The following ACYP2 variants were observed in gnomAD, a reference collection of about 807,000 sequenced individuals.
ACYP2 encodes acylphosphatase-2.
A neutral mutation model predicts 11.2 loss-of-function variants in ACYP2; 12 were observed. The ratio of observed to expected loss-of-function variants is 1.08; its 90% CI spans 0.69 to 1.74. The LOEUF (loss-of-function observed/expected upper bound fraction) is 1.74, where lower values mean the gene tolerates loss of function less well. Among genes scored for constraint, ACYP2 ranks in the 40% most tolerant of loss-of-function variants. ACYP2 has a pLI of 0.00. For missense variants in ACYP2, 134 were observed against 101.9 expected, an observed-to-expected ratio of 1.31 and a Z score of -1.35; for synonymous variants, 43 against 32.2, an observed-to-expected ratio of 1.33 and a Z score of -1.13.
chr2:54,255,432 C>T, intron 6 of ACYP2: 1 of 1,614,060 alleles, frequency 6.2e-7, no homozygotes, highest in East Asian at 2.2e-5. Flanking sequence ...TGTCATTCCT[C>T]TGCTCCAGGT....
At chr2:54,259,171 G>A (rs1339867214) in intron 6 of ACYP2, among the ~76,000 whole-genome samples, 1 of 152,226 alleles carries the variant, frequency 6.6e-6, no homozygotes, top group Non-Finnish European at 1.5e-5. Flanking sequence ...CAGAGATGGT[G>A]AAGGTTATAA....
chr2:54,246,212 C>A (rs953615781), intron 6 of ACYP2, among the ~76,000 whole-genome samples: 1 of 152,092 alleles, frequency 6.6e-6, no homozygotes, highest in South Asian at 2.1e-4. Context: ...TTCTACTGAT[C>A]TGTGTGTTAT....
At chr2:53,984,074 T>C (rs1413970135) in intron 2 of ACYP2, among the ~76,000 whole-genome samples, 1 of 152,114 alleles carries the variant, frequency 6.6e-6, no homozygotes, top group East Asian at 1.9e-4. Flanking sequence ...ATTTTCATCA[T>C]CATCACCATC....
At chr2:54,147,532 C>T (rs892118695) in intron 6 of ACYP2, among the ~76,000 whole-genome samples, 1 of 151,840 alleles carries the variant, frequency 6.6e-6, no homozygotes, top group African/African-American at 2.4e-5. Context: ...TTCCTTCTTT[C>T]TTTTTGTTTT....
At chr2:54,177,488 G>T (rs1558589873) in intron 6 of ACYP2, among the ~76,000 whole-genome samples, 1 of 151,828 alleles carries the variant, frequency 6.6e-6, no homozygotes, top group Non-Finnish European at 1.5e-5. Context: ...TCTTATCCTT[G>T]CCCACACCTT....
At chr2:54,135,319 G>T in intron 4 of ACYP2, 134 bp from the exon 2 acceptor site, 1 of 716,634 alleles carries the variant, frequency 1.4e-6, no homozygotes. Flanking sequence ...CACAGTTGAT[G>T]GAGGATTAAG....
At chr2:54,268,642 A>G (rs1280120028) in intron 6 of ACYP2, among the ~76,000 whole-genome samples, 7 of 149,772 alleles carry the variant, frequency 4.7e-5, no homozygotes, top group Admixed American at 2.7e-4. Context: ...TCTCTACCAA[A>G]AAAAAAAAAA....
At chr2:54,196,908 C>A (rs963045584) in intron 6 of ACYP2, among the ~76,000 whole-genome samples, 1 of 152,084 alleles carries the variant, frequency 6.6e-6, no homozygotes, top group African/African-American at 2.4e-5. Flanking sequence ...GTATTACGAG[C>A]GAAGTAGTAC....
At chr2:53,988,606 T>C (rs1395816795) in intron 2 of ACYP2, among the ~76,000 whole-genome samples, 2 of 152,002 alleles carry the variant, frequency 1.3e-5, no homozygotes. Context: ...GTGTGTATTT[T>C]GTAGAGACAG....
intron 6 of ACYP2, among the ~76,000 whole-genome samples, chr2:54,230,171 T>A (rs957849430): frequency 6.6e-6 from 1 of 152,180 alleles, no homozygotes; most frequent in Non-Finnish European, 1.5e-5. Context: ...CTATAGAGAA[T>A]CCCCTTCCCC....
At chr2:54,056,023 A>G (rs570153418) in intron 3 of ACYP2, among the ~76,000 whole-genome samples, 1 of 152,222 alleles carries the variant, frequency 6.6e-6, no homozygotes, top group African/African-American at 2.4e-5. Flanking sequence ...GAAGTTAAAT[A>G]AATTATTTGC....
At chr2:54,084,293 T>C (rs1407601367) in intron 4 of ACYP2, among the ~76,000 whole-genome samples, 2 of 152,130 alleles carry the variant, frequency 1.3e-5, no homozygotes, top group African/African-American at 4.8e-5. Flanking sequence ...TTTCTTTTTT[T>C]CTTTCTTTCT....
chr2:54,160,180 G>A (rs1682648723), intron 6 of ACYP2, among the ~76,000 whole-genome samples: 2 of 152,246 alleles, frequency 1.3e-5, no homozygotes, highest in Non-Finnish European at 1.5e-5. Flanking sequence ...GCTGTCATCA[G>A]TGTCAGGATC....
At chr2:54,095,297 C>T (rs982878676) in intron 4 of ACYP2, among the ~76,000 whole-genome samples, 1 of 152,242 alleles carries the variant, frequency 6.6e-6, no homozygotes, top group African/African-American at 2.4e-5. Flanking sequence ...TCTACACAGA[C>T]ACGGCAACCA....
intron 4 of ACYP2, among the ~76,000 whole-genome samples, chr2:54,074,520 G>A (rs1302919863): frequency 6.6e-6 from 1 of 151,390 alleles, no homozygotes; most frequent in South Asian, 2.1e-4. Flanking sequence ...TCACTGAATT[G>A]TACATTTTAA....
intron 6 of ACYP2, among the ~76,000 whole-genome samples, chr2:54,164,598 A>C (rs1265923563): frequency 3.9e-5 from 6 of 152,178 alleles, no homozygotes; most frequent in Non-Finnish European, 8.8e-5. Context: ...GATTAATGAG[A>C]AGTTAAGAAA....
intron 6 of ACYP2, among the ~76,000 whole-genome samples, chr2:54,269,388 TTATC>T (rs1471720035): frequency 6.6e-6 from 1 of 152,220 alleles, no homozygotes; most frequent in African/African-American, 2.4e-5. Flanking sequence ...ATGAAGACCT[TTATC>T]TAAATCCAGG....
chr2:54,011,781 TTTC>T (rs1160125833), intron 2 of ACYP2, among the ~76,000 whole-genome samples: 1 of 152,214 alleles, frequency 6.6e-6, no homozygotes, highest in Non-Finnish European at 1.5e-5. Flanking sequence ...TCTAGAGCAT[TTTC>T]TTCTTGAGTA....
intron 6 of ACYP2, among the ~76,000 whole-genome samples, chr2:54,296,612 T>TA (rs1010539492): frequency 2.6e-5 from 4 of 152,166 alleles, no homozygotes; most frequent in Admixed American, 1.3e-4. Context: ...ATCAAACATA[T>TA]AAAAAATGCA....
Sources: allele counts gnomAD v4.1 joint callset (sites outside exome capture counted in the v4.1 genomes callset), GRCh38; gene constraint gnomAD v4.1.1; transcripts MANE v1.5; gene names NCBI Gene and HGNC (gene_info 2026-07-23, HGNC 2026-07-21).